The following ATP13A4 variants were observed in gnomAD, a reference collection of about 807,000 sequenced individuals.
ATP13A4 encodes the protein probable cation-transporting ATPase 13A4.
A neutral mutation model predicts 142.5 loss-of-function variants in ATP13A4; 114 were observed. The observed-to-expected ratio is 0.80, with a 90% CI of 0.69 to 0.93. The LOEUF is 0.93. ATP13A4 is among the 40% of genes least tolerant of loss of function. The pLI is 0.00. For synonymous variants in ATP13A4, 488 were observed against 514.8 expected, an observed-to-expected ratio of 0.95 and a Z score of 0.70; for missense variants, 1,392 against 1,454.0, an observed-to-expected ratio of 0.96 and a Z score of 0.69.
At chr3:193,564,803 A>G (rs1163383369) in intron 2 of ATP13A4, among the ~76,000 whole-genome samples, 2 of 152,142 alleles carry the variant, frequency 1.3e-5, no homozygotes, top group African/African-American at 4.8e-5. Flanking sequence ...GCAAAGTTTC[A>G]TCTGTATTTA....
At chr3:193,452,659 T>C (rs184968561) in intron 17 of ATP13A4, among the ~76,000 whole-genome samples, 207 of 150,792 alleles carry the variant, frequency 1.4e-3, no homozygotes, top group Non-Finnish European at 2.5e-3. Context: ...ACATGTCTTT[T>C]GAATATCCTA....
rs898906071 is a variant in ATP13A4, at chr3:193,421,642, T to C, written c.2843-6892A>G. 3.3e-5 allele frequency among the ~76,000 whole-genome samples: 5 copies of C among 149,860 alleles called. 1 individual carries two copies. Among genetic ancestry groups the C allele is most frequent in the African/African-American group, 1.2e-4 (5 of 40,926 alleles). Reference sequence around the variant, plus strand: ...AGTACATAAAATAAAAAGATGTAAATTGCGACACTAAAATATAAATTGGGG... The same window carrying C: ...AGTACATAAAATAAAAAGATGTAAACTGCGACACTAAAATATAAATTGGGG... On this transcript the variant is annotated intron_variant, in intron 25 of 29. Transcript: ENST00000342695.
chr3:193,564,744 C>A (rs1337489158), intron 2 of ATP13A4, among the ~76,000 whole-genome samples: 1 of 152,146 alleles, frequency 6.6e-6, no homozygotes, highest in Non-Finnish European at 1.5e-5. Flanking sequence ...GGATCCCCGA[C>A]CCCTAGGCCT....
chr3:193,581,857 C>T (rs1724552817), exon 2 of ATP13A4: 2 of 152,010 alleles, frequency 1.3e-5, no homozygotes, highest in African/African-American at 4.8e-5. Context: ...ATCCCCAAGG[C>T]AAGGTTACAA....
intron 16 of ATP13A4, among the ~76,000 whole-genome samples, chr3:193,454,922 T>C (rs1214508025): frequency 6.6e-6 from 1 of 152,020 alleles, no homozygotes; most frequent in Non-Finnish European, 1.5e-5. Flanking sequence ...AGAGTAAACA[T>C]ACAGCCTACA....
rs1017392375 is a variant in ATP13A4, at chr3:193,418,443, G to A, written c.2843-3693C>T. ...TATATTTTGATGAAAATAACTAAAC[G>A]AGAGTGTCAGAATACATCAAAGGAG... On this transcript the variant is annotated intron_variant, in intron 25 of 29. Transcript: ENST00000342695. 4.7e-5 allele frequency among the ~76,000 whole-genome samples: 7 copies of A among 149,628 alleles called. 1 individual carries two copies. The highest frequency in any genetic ancestry group is 1.4e-4 in the Admixed American group (2 of 14,452).
chr3:193,559,038 T>C (rs897653561), upstream of ATP13A4, among the ~76,000 whole-genome samples: 7 of 152,212 alleles, frequency 4.6e-5, no homozygotes, highest in African/African-American at 1.7e-4. Flanking sequence ...GCAGGACCGG[T>C]TTCTCTGCCA....
chr3:193,473,234 CT>C (rs1718722870), intron 8 of ATP13A4, among the ~76,000 whole-genome samples: 1 of 152,200 alleles, frequency 6.6e-6, no homozygotes, highest in African/African-American at 2.4e-5. Flanking sequence ...AGGGCTCTCA[CT>C]GCCTAAATCT....
intron 5 of ATP13A4, 80 bp downstream of exon 5, chr3:193,492,837 G>C: frequency 9.6e-7 from 1 of 1,038,524 alleles, no homozygotes; most frequent in Non-Finnish European, 1.5e-6. Flanking sequence ...AATCCATTAA[G>C]ATAACTATTT....
At chr3:193,525,387 A>G (rs1009433708) in intron 1 of ATP13A4, among the ~76,000 whole-genome samples, 5 of 152,224 alleles carry the variant, frequency 3.3e-5, no homozygotes, top group African/African-American at 1.2e-4. Context: ...TCTTTGACCA[A>G]TGAAGAATAT....
At position 193,491,368 on chromosome 3, in the gene ATP13A4, A is replaced by G; in HGVS notation, c.564T>C (p.Asp188=). The change falls in exon 6 of 30, where the codon GAT becomes GAC. Residue 188 remains aspartate, a synonymous_variant. Coordinates refer to ENST00000342695, the MANE Select transcript of ATP13A4 (RefSeq NM_032279.4). ...RRLICGPNTI[D]VEVTPIWKLL... Reference sequence around the variant, plus strand: ...GTTTCCAAATTGGTGTAACTTCAACATCGATAGTATTAGGCCCACATATTA... The same window carrying G: ...GTTTCCAAATTGGTGTAACTTCAACGTCGATAGTATTAGGCCCACATATTA... The G allele has an allele frequency of 6.2e-7, 1 of 1,600,906 alleles. No homozygotes were observed. The highest frequency in any genetic ancestry group is 8.6e-7 in the Non-Finnish European group (1 of 1,168,402).
rs1718182858 is a variant in ATP13A4, at chr3:193,465,025, C to T, written c.1376G>A (p.Arg459Lys). 2 of 1,614,142 alleles carry T rather than the reference C, an allele frequency of 1.2e-6. No individual in the cohort carries two copies. The highest frequency in any genetic ancestry group is 1.1e-5 in the South Asian group (1 of 91,076). ...ALTTGIIYAQ[R>K]RLKKRGIFCI... Reference sequence around the variant, plus strand: ...GAAGATGCCTCTCTTCTTCAGCCTCCTCTGGGCATAGATAATGCCTGTGGT... The same window carrying T: ...GAAGATGCCTCTCTTCTTCAGCCTCTTCTGGGCATAGATAATGCCTGTGGT... The change falls in exon 12 of 30, where the codon AGG becomes AAG. Residue 459 changes from arginine to lysine, a missense_variant. Arg to Lys is a conservative substitution (Grantham distance 26, BLOSUM62 2). Transcript: ENST00000342695.
intron 18 of ATP13A4, among the ~76,000 whole-genome samples, chr3:193,446,654 A>G (rs1450890259): frequency 6.6e-6 from 1 of 152,214 alleles, no homozygotes; most frequent in Non-Finnish European, 1.5e-5. Context: ...AAAGTGACAG[A>G]TATTATGATG....
At chr3:193,429,605 A>G (rs1715862083) in intron 25 of ATP13A4, among the ~76,000 whole-genome samples, 1 of 152,036 alleles carries the variant, frequency 6.6e-6, no homozygotes, top group African/African-American at 2.4e-5. Context: ...GATTAGAGTT[A>G]ACCATGGGTT....
intron 8 of ATP13A4, among the ~76,000 whole-genome samples, chr3:193,473,165 T>C (rs1270649297): frequency 6.6e-6 from 1 of 152,128 alleles, no homozygotes; most frequent in Non-Finnish European, 1.5e-5. Context: ...TGCCATTAAG[T>C]AAAGAAATGC....
At position 193,549,431 on chromosome 3, in the gene ATP13A4, TATAGAGAG is replaced by T. The variant is rs898594534; in HGVS notation, c.60+5301_60+5308del. Among the ~76,000 whole-genome samples, 15 of 136,378 alleles carry T rather than the reference TATAGAGAG, an allele frequency of 1.1e-4. No homozygotes were observed. In the East Asian group the frequency reaches 2.8e-3, roughly 26 times the overall value. 89.5% of individuals were successfully genotyped at this position (136,378 alleles called of 152,430 possible). On this transcript the variant is annotated intron_variant, in intron 1 of 29. Transcript: ENST00000342695. ...TATAATTATCAAATATATATATATA[TATAGAGAG>T]AGAGAGAGAGAGAGAGAGATCCATA... is the stretch of plus-strand genomic sequence containing the variant.
intron 1 of ATP13A4, among the ~76,000 whole-genome samples, chr3:193,547,108 T>G (rs1396858935): frequency 6.6e-6 from 1 of 152,226 alleles, no homozygotes; most frequent in African/African-American, 2.4e-5. Flanking sequence ...TACTTCCCAG[T>G]CTTTGGATTA....
At chr3:193,590,388 A>G (rs1257460434) in intron 1 of ATP13A4, among the ~76,000 whole-genome samples, 1 of 152,176 alleles carries the variant, frequency 6.6e-6, no homozygotes, top group Non-Finnish European at 1.5e-5. Flanking sequence ...ACCGCAAAAA[A>G]GCAGTCTTAG....
At chr3:193,448,736 C>A (rs1307945061) in intron 17 of ATP13A4, among the ~76,000 whole-genome samples, 7 of 152,326 alleles carry the variant, frequency 4.6e-5, no homozygotes, top group Non-Finnish European at 8.8e-5. Flanking sequence ...TGATTAGGGA[C>A]TGGGAGTGAT....
Sources: allele counts gnomAD v4.1 joint callset (sites outside exome capture counted in the v4.1 genomes callset), GRCh38; gene constraint gnomAD v4.1.1; transcripts MANE v1.5; gene names NCBI Gene and HGNC (gene_info 2026-07-23, HGNC 2026-07-21).